The following PTPRN2 variants were observed in gnomAD, a reference collection of about 807,000 sequenced individuals.
PTPRN2 encodes the protein protein tyrosine phosphatase receptor type N2, also known as receptor-type tyrosine-protein phosphatase N2.
In PTPRN2, 74 loss-of-function variants were observed where a neutral mutation model predicts 118.8. That is an observed-to-expected ratio of 0.62 (90% CI 0.52 to 0.76). The LOEUF (loss-of-function observed/expected upper bound fraction) is 0.76, where lower values mean the gene tolerates loss of function less well. PTPRN2 is among the 30% of genes least tolerant of loss of function. The pLI is 0.00. For missense variants in PTPRN2, 1,481 were observed against 1,394.4 expected (o/e 1.06, Z -0.99); for synonymous variants, 641 against 608.0 (o/e 1.05, Z -0.80).
chr7:158,029,046 C>T (rs1807486435), intron 11 of PTPRN2: 1 of 152,328 alleles, frequency 6.6e-6, no homozygotes, highest in Non-Finnish European at 1.5e-5. Flanking sequence ...CCTGGTGTGA[C>T]ATGAGCCACT....
chr7:157,641,338 T>C (rs1804649424), intron 14 of PTPRN2, among the ~76,000 whole-genome samples: 1 of 152,242 alleles, frequency 6.6e-6, no homozygotes, highest in African/African-American at 2.4e-5. Flanking sequence ...AGGGCATATG[T>C]AAGGCAAAGA....
At chr7:157,803,598 G>C (rs527677906) in intron 12 of PTPRN2, among the ~76,000 whole-genome samples, 1 of 152,308 alleles carries the variant, frequency 6.6e-6, no homozygotes, top group Non-Finnish European at 1.5e-5. Flanking sequence ...CCCATGTTGA[G>C]TGGGTTTTTG....
intron 14 of PTPRN2, among the ~76,000 whole-genome samples, chr7:157,621,817 C>T (rs982695783): frequency 6.6e-6 from 1 of 152,080 alleles, no homozygotes; most frequent in Non-Finnish European, 1.5e-5. Context: ...CCAGGGAGCT[C>T]AGACCAAGCT....
chr7:157,717,202 C>G (rs1008021016), intron 12 of PTPRN2, among the ~76,000 whole-genome samples: 1 of 152,248 alleles, frequency 6.6e-6, no homozygotes, highest in Admixed American at 6.5e-5. Context: ...GAAAATGCAT[C>G]TCTAAAAAAA....
intron 14 of PTPRN2, among the ~76,000 whole-genome samples, chr7:157,643,618 C>A (rs918560827): frequency 1.3e-5 from 2 of 152,360 alleles, no homozygotes; most frequent in South Asian, 4.1e-4. Context: ...GTGGCTGTGA[C>A]TGCTCCCCCG....
chr7:158,583,782 A>T (rs1828768263), intron 1 of PTPRN2, among the ~76,000 whole-genome samples: 2 of 152,130 alleles, frequency 1.3e-5, no homozygotes, highest in African/African-American at 2.4e-5. Flanking sequence ...AGCAGGAGAG[A>T]CAGGGAACAA....
intron 14 of PTPRN2, among the ~76,000 whole-genome samples, chr7:157,649,768 T>C (rs1307067079): frequency 2.8e-5 from 4 of 143,138 alleles, no homozygotes; most frequent in East Asian, 2.2e-4. Flanking sequence ...ACCCATCCAG[T>C]GTGCACTGAA....
At chr7:157,576,210 G>A (rs150142774) in intron 19 of PTPRN2, among the ~76,000 whole-genome samples, 3 of 152,294 alleles carry the variant, frequency 2.0e-5, no homozygotes, top group East Asian at 3.9e-4. Context: ...GCAAGATCAC[G>A]CAGGGTGGTA....
intron 12 of PTPRN2, among the ~76,000 whole-genome samples, chr7:157,853,371 C>T (rs1809435755): frequency 6.6e-6 from 1 of 152,178 alleles, no homozygotes. Context: ...AGGATCCTCT[C>T]CAGCCAGGGA....
intron 12 of PTPRN2, among the ~76,000 whole-genome samples, chr7:157,797,923 T>C (rs1486479363): frequency 1.3e-5 from 2 of 152,238 alleles, no homozygotes; most frequent in East Asian, 3.9e-4. Context: ...TATGCTCATC[T>C]TTCCTTTGAC....
intron 6 of PTPRN2, among the ~76,000 whole-genome samples, chr7:158,160,478 T>C (rs949167068): frequency 6.6e-6 from 1 of 152,200 alleles, no homozygotes; most frequent in Non-Finnish European, 1.5e-5. Context: ...GAGAGTTACA[T>C]CATCAGCTTC....
At chr7:157,578,316 A>G (rs1800166515) in intron 17 of PTPRN2, among the ~76,000 whole-genome samples, 176 bp from the exon 18 acceptor site, 1 of 152,204 alleles carries the variant, frequency 6.6e-6, no homozygotes, top group Non-Finnish European at 1.5e-5. Flanking sequence ...GCACTGGCCC[A>G]TAGTTTGCAT....
At chr7:158,540,471 G>GC (rs1825919069) in intron 1 of PTPRN2, among the ~76,000 whole-genome samples, 1 of 152,110 alleles carries the variant, frequency 6.6e-6, no homozygotes, top group South Asian at 2.1e-4. Context: ...GCTGGGTCTC[G>GC]GGGGGCAATG....
chr7:157,820,843 A>G (rs964612677), intron 12 of PTPRN2, among the ~76,000 whole-genome samples: 1 of 152,202 alleles, frequency 6.6e-6, no homozygotes, highest in Admixed American at 6.5e-5. Flanking sequence ...AAAGGAGAGG[A>G]TTTGACAGCC....
intron 2 of PTPRN2, among the ~76,000 whole-genome samples, chr7:158,452,606 G>C (rs1423229762): frequency 6.6e-6 from 1 of 152,194 alleles, no homozygotes; most frequent in Non-Finnish European, 1.5e-5. Flanking sequence ...AGGTGACCTT[G>C]GGCTGGAGAG....
At chr7:158,013,827 CCCAT>C (rs1806241271) in intron 11 of PTPRN2, among the ~76,000 whole-genome samples, 2 of 123,430 alleles carry the variant, frequency 1.6e-5, no homozygotes, top group Non-Finnish European at 3.4e-5. Context: ...CACCCACCTA[CCCAT>C]CCATCCATCC....
intron 12 of PTPRN2, among the ~76,000 whole-genome samples, chr7:157,897,137 C>T (rs942892988): frequency 9.2e-5 from 14 of 152,192 alleles, no homozygotes; most frequent in African/African-American, 3.1e-4. Flanking sequence ...TCCTGGACAC[C>T]ATTATCCCTC....
At position 157,585,451 on chromosome 7, in the gene PTPRN2, A is replaced by G. The variant is rs985780186; in HGVS notation, c.2497-7311T>C. ...TGGCTTGGTGTGGCCATCCTGCCGC[A>G]TAGGGGTTCCCACGGTGGGAATGCA... On this transcript the variant is annotated intron_variant, in intron 17 of 22. Coordinates refer to ENST00000389418, the MANE Select transcript of PTPRN2 (RefSeq NM_002847.5). This position sits in a 1 kb window ranked among gnomAD's most constrained non-coding sequence, Gnocchi z 5.2. Among the ~76,000 whole-genome samples the G allele has an allele frequency of 2.0e-5, 3 of 152,110 alleles. No homozygotes were observed. The highest frequency in any genetic ancestry group is 7.2e-5 in the African/African-American group (3 of 41,440).
In PTPRN2 at chr7:157,609,228, C is replaced by G. The variant is rs989633971; in HGVS notation, c.2345-5153G>C. The stretch of plus-strand genomic sequence containing the variant: ...CAAAACCACGTCTCTACTAAAAATA[C>G]AAAAATTAGCCAGGCGTGGTGGTGG... On this transcript the variant is annotated intron_variant, in intron 15 of 22. Transcript: ENST00000389418. This position sits in a 1 kb window ranked among gnomAD's most constrained non-coding sequence, Gnocchi z 4.9. Among the ~76,000 whole-genome samples, 1 of 152,036 alleles carries G rather than the reference C, an allele frequency of 6.6e-6. No individual in the cohort carries two copies. Among genetic ancestry groups the G allele is most frequent in the African/African-American group, 2.4e-5 (1 of 41,398 alleles).
Sources: allele counts gnomAD v4.1 joint callset (sites outside exome capture counted in the v4.1 genomes callset), GRCh38; gene constraint gnomAD v4.1.1; non-coding constraint Gnocchi (gnomAD v3.1); transcripts MANE v1.5; gene names NCBI Gene and HGNC (gene_info 2026-07-23, HGNC 2026-07-21).